NOSTRIN: variants seen among roughly 807,000 people sequenced by gnomAD.
The protein encoded by NOSTRIN is BM247 homolog.
Under a neutral mutation model 59.0 loss-of-function variants are expected in NOSTRIN, and 63 were observed. The ratio of observed to expected loss-of-function variants is 1.07; its 90% CI spans 0.87 to 1.32. NOSTRIN has a LOEUF of 1.32. NOSTRIN is among the 40% of genes most tolerant of loss of function. NOSTRIN has a pLI of 0.00. For missense variants in NOSTRIN, 512 were observed against 473.1 expected, an observed-to-expected ratio of 1.08 and a Z score of -0.76; for synonymous variants, 200 against 165.4, an observed-to-expected ratio of 1.21 and a Z score of -1.61.
intron 2 of NOSTRIN, among the ~76,000 whole-genome samples, chr2:168,816,005 CT>C (rs1432048670): frequency 6.6e-6 from 1 of 152,160 alleles, no homozygotes; most frequent in Non-Finnish European, 1.5e-5. Context: ...CCACAGCTTT[CT>C]TTTTATTTTA....
chr2:168,787,643 C>A (rs1685240061), intron 1 of NOSTRIN, among the ~76,000 whole-genome samples: 1 of 152,202 alleles, frequency 6.6e-6, no homozygotes, highest in Admixed American at 6.5e-5. Context: ...CACTACACAG[C>A]AGGTGCCCAA....
intron 3 of NOSTRIN, among the ~76,000 whole-genome samples, chr2:168,827,840 C>T (rs1292642298): frequency 6.6e-6 from 1 of 151,952 alleles, no homozygotes; most frequent in Non-Finnish European, 1.5e-5. Context: ...TCCTAAAGTG[C>T]TGGGATTTAC....
intron 8 of NOSTRIN, among the ~76,000 whole-genome samples, chr2:168,848,707 T>C (rs1459669053): frequency 6.6e-6 from 1 of 152,218 alleles, no homozygotes; most frequent in Non-Finnish European, 1.5e-5. Context: ...TAGTGTATGA[T>C]TCCTCTTGTA....
At chr2:168,828,072 G>C in intron 3 of NOSTRIN, 86 bp from the exon 4 acceptor site, 1 of 818,974 alleles carries the variant, frequency 1.2e-6, no homozygotes, top group African/African-American at 1.7e-5. Context: ...TGGTGAATCA[G>C]ATGCGATGCT....
At chr2:168,797,079 C>CTTTTTTTTTTTT (rs775176252), upstream of NOSTRIN, among the ~76,000 whole-genome samples, 12 of 75,028 alleles carry the variant, frequency 1.6e-4, 1 homozygote, top group African/African-American at 4.7e-4. Flanking sequence ...TTTCTTTTTT[C>CTTTTTTTTTTTT]TTTTTTTTTT....
At chr2:168,806,297 A>G (rs992820970) in intron 1 of NOSTRIN, among the ~76,000 whole-genome samples, 1 of 152,122 alleles carries the variant, frequency 6.6e-6, no homozygotes, top group African/African-American at 2.4e-5. Context: ...ACTAGCATCA[A>G]TAAAAATAAA....
chr2:168,844,743 G>A (rs994582064), intron 8 of NOSTRIN, among the ~76,000 whole-genome samples: 6 of 152,088 alleles, frequency 3.9e-5, no homozygotes, highest in Admixed American at 6.5e-5. Context: ...GGTGGCGGGC[G>A]CCTGTTGTCC....
chr2:168,821,222 G>A (rs1686715997), intron 2 of NOSTRIN, among the ~76,000 whole-genome samples: 1 of 152,238 alleles, frequency 6.6e-6, no homozygotes, highest in African/African-American at 2.4e-5. Context: ...CCTCTGGTTA[G>A]CTTTCCTGGA....
intron 15 of NOSTRIN, among the ~76,000 whole-genome samples, chr2:168,862,602 C>CACTT (rs759229295): frequency 3.3e-5 from 5 of 152,226 alleles, no homozygotes; most frequent in East Asian, 3.9e-4. Context: ...GTGCTGGTCT[C>CACTT]ACTTACTTCT....
rs56323647 is a variant in NOSTRIN at position 168,849,918 on chromosome 2, A to ATTTTGTT, written c.631-1162_631-1161insGTTTTTT. Reference sequence around the variant, plus strand: ...TGGGTCCAATAAGTAACATTTTCTCATTTTTTTTTTTTTTTTGAGACAGTT... The same window carrying ATTTTGTT: ...TGGGTCCAATAAGTAACATTTTCTCATTTTGTTTTTTTTTTTTTTTTTTGAGACAGTT... On this transcript the variant is annotated intron_variant, in intron 8 of 15. Transcript: ENST00000317647. Among the ~76,000 whole-genome samples, 332 of 91,400 alleles carry ATTTTGTT rather than the reference A, an allele frequency of 3.6e-3. 18 individuals carry two copies. The highest frequency in any genetic ancestry group is 5.0e-3 in the Non-Finnish European group (228 of 45,540). The allele number at this position is 91,400 out of a possible 152,430, so 60.0% of individuals were successfully genotyped here.
intron 2 of NOSTRIN, among the ~76,000 whole-genome samples, chr2:168,819,519 T>C (rs1215981990): frequency 1.3e-5 from 2 of 152,194 alleles, no homozygotes; most frequent in African/African-American, 4.8e-5. Context: ...CGTTAACATC[T>C]GTTGAGATAA....
upstream of NOSTRIN, among the ~76,000 whole-genome samples, chr2:168,797,079 C>CTTTTCTTTT (rs1553519713): frequency 3.2e-4 from 24 of 75,028 alleles, no homozygotes; most frequent in Non-Finnish European, 5.0e-4. Context: ...TTTCTTTTTT[C>CTTTTCTTTT]TTTTTTTTTT....
At chr2:168,806,160 A>G (rs1382794369) in intron 1 of NOSTRIN, among the ~76,000 whole-genome samples, 2 of 152,158 alleles carry the variant, frequency 1.3e-5, no homozygotes, top group African/African-American at 2.4e-5. Flanking sequence ...AACTCACATG[A>G]TATCAGTAGC....
At chr2:168,791,165 C>G (rs898336445) in intron 2 of NOSTRIN, among the ~76,000 whole-genome samples, 8 of 152,076 alleles carry the variant, frequency 5.3e-5, no homozygotes, top group African/African-American at 1.9e-4. Context: ...ACAACAGTCC[C>G]CAGTGTGTGA....
chr2:168,829,899 GA>G (rs1474452306), intron 5 of NOSTRIN, among the ~76,000 whole-genome samples: 6 of 152,182 alleles, frequency 3.9e-5, no homozygotes, highest in Non-Finnish European at 7.3e-5. Context: ...TGGCAAGTCA[GA>G]AGGATGAGGA....
At chr2:168,809,468 C>T (rs908502472) in intron 1 of NOSTRIN, among the ~76,000 whole-genome samples, 3 of 152,134 alleles carry the variant, frequency 2.0e-5, no homozygotes, top group Non-Finnish European at 2.9e-5. Flanking sequence ...TAGGCATTTT[C>T]TTCTCATGAC....
chr2:168,811,475 TA>T (rs1686130295), intron 1 of NOSTRIN, 91 bp from the exon 2 acceptor site: 1 of 558,152 alleles, frequency 1.8e-6, no homozygotes, highest in Admixed American at 3.8e-5. Context: ...GTCATAGTTA[TA>T]GTAGTTTTCT....
intron 7 of NOSTRIN, among the ~76,000 whole-genome samples, chr2:168,836,249 T>A (rs1275969720): frequency 6.6e-6 from 1 of 152,252 alleles, no homozygotes; most frequent in Non-Finnish European, 1.5e-5. Flanking sequence ...CTAGGCATTC[T>A]GAGTGCTCAT....
At chr2:168,807,511 T>G (rs1302903438) in intron 1 of NOSTRIN, among the ~76,000 whole-genome samples, 2 of 152,206 alleles carry the variant, frequency 1.3e-5, no homozygotes, top group African/African-American at 4.8e-5. Flanking sequence ...TGGGGGAATT[T>G]TTGGCGTATA....
Sources: gnomAD v4.1 joint callset for allele counts (sites outside exome capture counted in the v4.1 genomes callset) on GRCh38, gnomAD v4.1.1 for gene constraint, MANE v1.5 for transcripts, NCBI Gene and HGNC (gene_info 2026-07-23, HGNC 2026-07-21) for gene names.